Variants in CNTN5 observed in about 807,000 individuals in gnomAD.
The protein encoded by CNTN5 is contactin-5.
Under a neutral mutation model 129.1 loss-of-function variants are expected in CNTN5, and 77 were observed. That is an observed-to-expected ratio of 0.60 (90% confidence interval 0.50 to 0.72). CNTN5 has a LOEUF of 0.72. Ranked by LOEUF, CNTN5 falls within the 30% of genes least tolerant of loss-of-function variation. The probability of loss-of-function intolerance (pLI) is 0.00; values close to 1 mark genes in which losing one functional copy is unlikely to be tolerated. For missense variants in CNTN5, 1,478 were observed against 1,328.8 expected (o/e 1.11, Z -1.75); for synonymous variants, 509 against 465.6 (o/e 1.09, Z -1.20).
chr11:99,455,931 C>A (rs906383692), intron 2 of CNTN5, among the ~76,000 whole-genome samples: 2 of 151,884 alleles, frequency 1.3e-5, no homozygotes, highest in African/African-American at 4.8e-5. Context: ...ACTTTTATTC[C>A]CAAAGGATAG....
At chr11:99,401,755 T>C (rs1941821217) in intron 2 of CNTN5, among the ~76,000 whole-genome samples, 1 of 152,098 alleles carries the variant, frequency 6.6e-6, no homozygotes, top group Non-Finnish European at 1.5e-5. Flanking sequence ...CTTCAATTCT[T>C]TCATCAGTGT....
intron 3 of CNTN5, among the ~76,000 whole-genome samples, chr11:99,808,671 G>C (rs1468502845): frequency 6.6e-6 from 1 of 152,136 alleles, no homozygotes; most frequent in Non-Finnish European, 1.5e-5. Context: ...GTGCTGGGTA[G>C]CAAAATAAAA....
At chr11:99,393,270 G>C (rs1941357048) in intron 2 of CNTN5, among the ~76,000 whole-genome samples, 1 of 151,726 alleles carries the variant, frequency 6.6e-6, no homozygotes, top group African/African-American at 2.4e-5. Flanking sequence ...CAATATACTG[G>C]AAAAGCTGGA....
intron 7 of CNTN5, among the ~76,000 whole-genome samples, chr11:99,923,350 T>A (rs572110208): frequency 6.6e-6 from 1 of 152,186 alleles, no homozygotes; most frequent in Non-Finnish European, 1.5e-5. Context: ...TTTTTCAGTT[T>A]AGTAATTTTG....
chr11:99,839,220 G>A (rs977154933), intron 4 of CNTN5, among the ~76,000 whole-genome samples: 7 of 152,162 alleles, frequency 4.6e-5, no homozygotes, highest in Middle Eastern at 3.4e-3. Context: ...TGCCTTTGTC[G>A]TCAGACTTCA....
intron 7 of CNTN5, among the ~76,000 whole-genome samples, chr11:99,955,829 G>T (rs1482413340): frequency 2.6e-5 from 4 of 152,106 alleles, no homozygotes; most frequent in Admixed American, 2.6e-4. Context: ...CTCCTAAAGT[G>T]CCAGGAGTAC....
chr11:99,276,312 T>A (rs1248538869), intron 1 of CNTN5, among the ~76,000 whole-genome samples: 1 of 151,598 alleles, frequency 6.6e-6, no homozygotes, highest in African/African-American at 2.4e-5. Flanking sequence ...ATTCCCCAAG[T>A]CATGAACGCA....
intron 2 of CNTN5, among the ~76,000 whole-genome samples, chr11:99,380,081 CTGTG>C (rs10671165): frequency 1.2e-4 from 18 of 148,190 alleles, no homozygotes; most frequent in Non-Finnish European, 1.9e-4. Flanking sequence ...AATGGTGTGT[CTGTG>C]TGTGTGTGTG....
chr11:99,698,024 G>A (rs571158977), intron 3 of CNTN5, among the ~76,000 whole-genome samples: 5 of 149,042 alleles, frequency 3.4e-5, no homozygotes, highest in African/African-American at 9.8e-5. Context: ...TTTACTGAAC[G>A]TTTTTCATTA....
At chr11:99,833,092 C>G (rs1947196119) in intron 4 of CNTN5, among the ~76,000 whole-genome samples, 1 of 152,112 alleles carries the variant, frequency 6.6e-6, no homozygotes, top group Admixed American at 6.5e-5. Flanking sequence ...AAACAGTGAT[C>G]CAAAACCAAA....
At chr11:99,141,921 G>A (rs1271109803) in intron 1 of CNTN5, among the ~76,000 whole-genome samples, 3 of 152,130 alleles carry the variant, frequency 2.0e-5, no homozygotes, top group Non-Finnish European at 4.4e-5. Flanking sequence ...GCCAATTTTA[G>A]AGTATTTGCC....
At chr11:99,889,121 C>A (rs1478714438) in intron 6 of CNTN5, among the ~76,000 whole-genome samples, 2 of 152,030 alleles carry the variant, frequency 1.3e-5, no homozygotes, top group Non-Finnish European at 2.9e-5. Flanking sequence ...CAGCAACGAT[C>A]CTTATTATTT....
At chr11:99,896,158 C>A (rs1949200070) in intron 6 of CNTN5, among the ~76,000 whole-genome samples, 1 of 152,166 alleles carries the variant, frequency 6.6e-6, no homozygotes, top group South Asian at 2.1e-4. Context: ...ATTTGTGGAC[C>A]TCCAGTATGG....
intron 1 of CNTN5, among the ~76,000 whole-genome samples, chr11:99,256,088 A>G (rs1239165625): frequency 6.6e-6 from 1 of 152,180 alleles, no homozygotes; most frequent in Admixed American, 6.6e-5. Context: ...AACATTTACA[A>G]TTAGAAAACA....
chr11:100,245,010 A>G (rs964764885), intron 16 of CNTN5, among the ~76,000 whole-genome samples: 41 of 152,182 alleles, frequency 2.7e-4, no homozygotes, highest in Non-Finnish European at 5.4e-4. Context: ...GTTATCCTTT[A>G]TATCTTAGAA....
intron 6 of CNTN5, among the ~76,000 whole-genome samples, chr11:99,854,351 G>A (rs1163369074): frequency 6.6e-6 from 1 of 152,036 alleles, no homozygotes; most frequent in Non-Finnish European, 1.5e-5. Context: ...TTGCCCTACG[G>A]GTATACAGAG....
intron 13 of CNTN5, among the ~76,000 whole-genome samples, chr11:100,109,259 C>G (rs940164208): frequency 2.6e-5 from 4 of 152,128 alleles, no homozygotes; most frequent in Admixed American, 1.3e-4. Context: ...AACCCTGTCT[C>G]TACTAAGAAT....
chr11:100,187,873 G>A (rs1032844473), intron 13 of CNTN5, among the ~76,000 whole-genome samples: 2 of 152,108 alleles, frequency 1.3e-5, no homozygotes, highest in Non-Finnish European at 2.9e-5. Context: ...CTGGACATTG[G>A]CCTTGGGACA....
chr11:99,666,916 TA>T (rs1233463837), intron 3 of CNTN5, among the ~76,000 whole-genome samples: 2 of 152,176 alleles, frequency 1.3e-5, no homozygotes, highest in Non-Finnish European at 2.9e-5. Context: ...AGTTCAGTTT[TA>T]TTTTTTGAAA....
Sources: allele counts gnomAD v4.1 joint callset (sites outside exome capture counted in the v4.1 genomes callset), GRCh38; gene constraint gnomAD v4.1.1; transcripts MANE v1.5; gene names NCBI Gene and HGNC (gene_info 2026-07-23, HGNC 2026-07-21).